The following NFIB variants were observed in gnomAD, a reference collection of about 807,000 sequenced individuals.
NFIB encodes the protein nuclear factor I B, also known as nuclear factor 1 B-type.
A neutral mutation model predicts 61.5 loss-of-function variants in NFIB; 11 were observed. The ratio of observed to expected loss-of-function variants is 0.18; its 90% CI spans 0.11 to 0.30. NFIB has a LOEUF of 0.30. NFIB is among the 10% of genes least tolerant of loss of function. The pLI, the probability that NFIB is intolerant of heterozygous loss-of-function variation, is 1.00. For synonymous variants in NFIB, 260 were observed against 216.5 expected (o/e 1.20, Z -1.76); for missense variants, 471 against 608.9 (o/e 0.77, Z 2.38).
the NFIB span, among the ~76,000 whole-genome samples, chr9:14,451,717 C>G: frequency 6.6e-6 from 1 of 152,070 alleles, no homozygotes; most frequent in Non-Finnish European, 1.5e-5. Context: ...CTTTAGTCTC[C>G]CATTTAACAT....
At chr9:14,142,657 A>G (rs2041874677) in intron 6 of NFIB, among the ~76,000 whole-genome samples, 1 of 152,214 alleles carries the variant, frequency 6.6e-6, no homozygotes, top group African/African-American at 2.4e-5. Flanking sequence ...AAAAAAAAAT[A>G]AGAAAGACAA....
intron 1 of NFIB, among the ~76,000 whole-genome samples, chr9:14,388,621 A>G (rs890887160): frequency 1.3e-5 from 2 of 152,184 alleles, no homozygotes; most frequent in Non-Finnish European, 2.9e-5. Context: ...ATACCTACAT[A>G]GTAAACATAT....
chr9:14,208,215 T>A (rs1749486397), intron 2 of NFIB, among the ~76,000 whole-genome samples: 1 of 152,120 alleles, frequency 6.6e-6, no homozygotes, highest in African/African-American at 2.4e-5. Context: ...AATTCATCTA[T>A]ACAACAAAGC....
intron 10 of NFIB, among the ~76,000 whole-genome samples, chr9:14,099,796 G>T (rs2035440174): frequency 6.6e-6 from 1 of 152,188 alleles, no homozygotes; most frequent in Non-Finnish European, 1.5e-5. Context: ...ATACTGGCTG[G>T]GCATGGTGGC....
chr9:14,402,468 G>A (rs1787544875), upstream of NFIB, among the ~76,000 whole-genome samples: 1 of 152,064 alleles, frequency 6.6e-6, no homozygotes, highest in African/African-American at 2.4e-5. Context: ...AAATAATTCT[G>A]AGTATTTTTT....
chr9:14,125,046 T>C (rs1236998245), intron 7 of NFIB, among the ~76,000 whole-genome samples: 1 of 152,222 alleles, frequency 6.6e-6, no homozygotes, highest in Non-Finnish European at 1.5e-5. Flanking sequence ...GAAGCTATAA[T>C]GAAGATAGCT....
At chr9:14,505,043 G>A in the NFIB span, among the ~76,000 whole-genome samples, 1 of 152,142 alleles carries the variant, frequency 6.6e-6, no homozygotes, top group Non-Finnish European at 1.5e-5. Flanking sequence ...ATCATAAAGG[G>A]ACGCTGGATT....
chr9:14,462,370 C>T, the NFIB span, among the ~76,000 whole-genome samples: 1 of 151,972 alleles, frequency 6.6e-6, no homozygotes, highest in Non-Finnish European at 1.5e-5. Context: ...GCAAGCTCCG[C>T]CTCCCGGGTT....
At chr9:14,488,163 A>C in the NFIB span, among the ~76,000 whole-genome samples, 1 of 152,030 alleles carries the variant, frequency 6.6e-6, no homozygotes, top group Non-Finnish European at 1.5e-5. Context: ...CAGGAGTTTG[A>C]GACCAAATTG....
At chr9:14,318,642 C>G (rs1041481431), upstream of NFIB, among the ~76,000 whole-genome samples, 1 of 151,718 alleles carries the variant, frequency 6.6e-6, no homozygotes, top group Non-Finnish European at 1.5e-5. Flanking sequence ...CCTCCTGACC[C>G]CAGAAAGCAG....
the NFIB span, among the ~76,000 whole-genome samples, chr9:14,508,582 G>C: frequency 6.6e-6 from 1 of 152,230 alleles, no homozygotes; most frequent in East Asian, 1.9e-4. Flanking sequence ...TGTGTCTTGT[G>C]TCCCATATCA....
At chr9:14,302,077 A>C (rs958868887) in intron 2 of NFIB, among the ~76,000 whole-genome samples, 3 of 152,244 alleles carry the variant, frequency 2.0e-5, no homozygotes, top group South Asian at 2.1e-4. Flanking sequence ...GTGCAGACAC[A>C]CCAAATCATC....
At chr9:14,165,658 A>G (rs2044704660) in intron 3 of NFIB, among the ~76,000 whole-genome samples, 1 of 152,198 alleles carries the variant, frequency 6.6e-6, no homozygotes. Flanking sequence ...ATTATTCTAA[A>G]AGGGGAACAC....
At chr9:14,405,389 T>C in the NFIB span, among the ~76,000 whole-genome samples, 6 of 152,196 alleles carry the variant, frequency 3.9e-5, no homozygotes, top group African/African-American at 1.4e-4. Context: ...GTGTGGAATG[T>C]TGCCATAACA....
intron 2 of NFIB, among the ~76,000 whole-genome samples, chr9:14,197,954 T>G (rs1452828312): frequency 6.6e-6 from 1 of 152,030 alleles, no homozygotes; most frequent in Non-Finnish European, 1.5e-5. Context: ...AGGAAGAAAG[T>G]GCTATGGACA....
chr9:14,135,139 TTTC>T (rs777275593), intron 6 of NFIB, among the ~76,000 whole-genome samples: 3 of 152,146 alleles, frequency 2.0e-5, no homozygotes, highest in Non-Finnish European at 4.4e-5. Flanking sequence ...TGATTTTTAT[TTTC>T]TTCTTCATAT....
At chr9:14,248,042 C>G (rs935232488) in intron 2 of NFIB, among the ~76,000 whole-genome samples, 3 of 151,610 alleles carry the variant, frequency 2.0e-5, no homozygotes, top group Admixed American at 6.6e-5. Flanking sequence ...AAGCAATCCT[C>G]CTGCCTCAGT....
chr9:14,202,743 T>C (rs1441411363), intron 2 of NFIB, among the ~76,000 whole-genome samples: 1 of 152,180 alleles, frequency 6.6e-6, no homozygotes, highest in Non-Finnish European at 1.5e-5. Flanking sequence ...TAAGCAAATC[T>C]ATGCAAAGAG....
chr9:14,093,046 C>A (rs780987045), intron 10 of NFIB, among the ~76,000 whole-genome samples: 2 of 151,958 alleles, frequency 1.3e-5, no homozygotes, highest in Non-Finnish European at 2.9e-5. Flanking sequence ...TGGGCCCTTA[C>A]CTTTTAGCTC....
Sources: allele counts gnomAD v4.1 joint callset (sites outside exome capture counted in the v4.1 genomes callset), GRCh38; gene constraint gnomAD v4.1.1; transcripts MANE v1.5; gene names NCBI Gene and HGNC (gene_info 2026-07-23, HGNC 2026-07-21).